The following AFF1 variants were observed in gnomAD, a reference collection of about 807,000 sequenced individuals.
AFF1 encodes ALF transcription elongation factor 1.
Under a neutral mutation model 121.7 loss-of-function variants are expected in AFF1, and 48 were observed. That is an observed-to-expected ratio of 0.39 (90% confidence interval 0.31 to 0.50). The LOEUF (loss-of-function observed/expected upper bound fraction) is 0.50. AFF1 is among the 20% of genes least tolerant of loss of function. The pLI is 0.76. For synonymous variants in AFF1, 613 were observed against 563.0 expected (o/e 1.09, Z -1.26); for missense variants, 1,523 against 1,511.7 (o/e 1.01, Z -0.12).
At chr4:86,990,100 A>G (rs759816616) in intron 2 of AFF1, among the ~76,000 whole-genome samples, 17 of 151,994 alleles carry the variant, frequency 1.1e-4, no homozygotes, top group Non-Finnish European at 2.5e-4. Context: ...GGGTGCAGCA[A>G]ACAACCTTAG....
chr4:87,136,400 T>G lies in AFF1; in HGVS notation c.*699T>G. The G allele has an allele frequency of 4.3e-6, 1 of 232,496 alleles. No individual in the cohort carries two copies. 14.4% of individuals were successfully genotyped at this position (232,496 alleles called of 1,614,324 possible). On this transcript the variant is annotated 3_prime_UTR_variant, in exon 21 of 21. Transcript: ENST00000395146. ...GACCCCAGCTCTGACTTCTCATTAC[T>G]GTGCTGAAAGTCAGCCCACGTCGGA... is the stretch of plus-strand genomic sequence containing the variant.
chr4:86,957,285 A>T (rs1721810139), intron 2 of AFF1, among the ~76,000 whole-genome samples: 2 of 152,200 alleles, frequency 1.3e-5, no homozygotes, highest in Non-Finnish European at 1.5e-5. Flanking sequence ...CCATTATAAC[A>T]GTACTTTTCT....
chr4:87,085,478 A>G (rs1723635361), intron 5 of AFF1, among the ~76,000 whole-genome samples: 1 of 151,736 alleles, frequency 6.6e-6, no homozygotes, highest in African/African-American at 2.4e-5. Flanking sequence ...TATATAATAA[A>G]TGTGACTGTT....
chr4:87,035,177 C>G (rs906561559), intron 2 of AFF1, among the ~76,000 whole-genome samples: 2 of 152,102 alleles, frequency 1.3e-5, no homozygotes, highest in African/African-American at 4.8e-5. Flanking sequence ...CCTCCCTGCT[C>G]CTTGTGCTTG....
At chr4:87,040,269 G>A (rs112935450) in intron 2 of AFF1, among the ~76,000 whole-genome samples, 49 of 152,250 alleles carry the variant, frequency 3.2e-4, no homozygotes, top group African/African-American at 1.1e-3. Context: ...CTGTTAGGTC[G>A]TTCCTCAAGG....
chr4:87,108,645 T>G (rs565699559), intron 11 of AFF1, among the ~76,000 whole-genome samples: 7 of 152,326 alleles, frequency 4.6e-5, no homozygotes, highest in Non-Finnish European at 7.4e-5. Flanking sequence ...GAAAGAAAAC[T>G]TGGTTTCAGT....
rs1405486063 is a variant in AFF1 at position 87,115,150 on chromosome 4, A to G, written c.2317A>G (p.Thr773Ala). The G allele has an allele frequency of 1.2e-6, 2 of 1,613,932 alleles. No homozygotes were observed. The highest frequency in any genetic ancestry group is 1.7e-6 in the Non-Finnish European group (2 of 1,180,006). Residue 773 changes from threonine to alanine, a missense_variant, in exon 12 of 21, where the codon ACC (threonine) becomes GCC (alanine). Physicochemically the swap from Thr to Ala is moderately conservative, Grantham distance 58. Transcript: ENST00000395146. ...CCCACAAAGCTTGATGGTGAAGATCACCCTAGACCTGCTCTCTCGGATACC... is the reference window on the plus strand; with the variant it reads ...CCCACAAAGCTTGATGGTGAAGATCGCCCTAGACCTGCTCTCTCGGATACC... ...PPPQSLMVKI[T>A]LDLLSRIPQP... is the part of the protein sequence containing the mutation.
At chr4:87,132,565 T>C (rs1728933239) in intron 19 of AFF1, among the ~76,000 whole-genome samples, 157 bp downstream of exon 19, 2 of 152,232 alleles carry the variant, frequency 1.3e-5, no homozygotes, top group South Asian at 4.1e-4. Context: ...TTTAAATTAT[T>C]AGCATATTTC....
intron 2 of AFF1, among the ~76,000 whole-genome samples, chr4:87,006,837 T>C (rs542251444): frequency 6.6e-6 from 1 of 152,308 alleles, no homozygotes; most frequent in South Asian, 2.1e-4. Flanking sequence ...GCCCAGGCTC[T>C]GCCCCCTACC....
Position 86,951,615 on chromosome 4 carries a change from C to CTTTTTT in AFF1, c.38+3046_38+3051dup, listed in dbSNP as rs748093135. On this transcript the variant is annotated intron_variant, in intron 2 of 20. Coordinates refer to ENST00000395146, the MANE Select transcript of AFF1 (RefSeq NM_001166693.3). Reference sequence around the variant, plus strand: ...GAACTTTTTTTTCTTTTTCTTTTTTCTTTTTTTCTTTTTTTTTTTTTTTTT... The same window carrying CTTTTTT: ...GAACTTTTTTTTCTTTTTCTTTTTTCTTTTTTTTTTTTTCTTTTTTTTTTTTTTTTT... Among the ~76,000 whole-genome samples the CTTTTTT allele has an allele frequency of 5.3e-3, 657 of 124,884 alleles. 10 individuals carry two copies. Among genetic ancestry groups the CTTTTTT allele is most frequent in the African/African-American group, 0.015 (445 of 29,876 alleles). 81.9% of individuals were successfully genotyped at this position (124,884 alleles called of 152,430 possible). A position where few individuals can be genotyped will look rare whatever the true frequency, so the allele number is the denominator to read the frequency against.
intron 13 of AFF1, 37 bp downstream of exon 13, chr4:87,125,180 G>C (rs968508354): frequency 4.6e-6 from 7 of 1,507,462 alleles, no homozygotes; most frequent in Non-Finnish European, 6.3e-6. Flanking sequence ...AATCTACGGT[G>C]ATCAACACTT....
At chr4:86,949,630 C>T (rs1264139526) in intron 2 of AFF1, 21 of 1,476,702 alleles carry the variant, frequency 1.4e-5, no homozygotes, top group Admixed American at 2.0e-5. Context: ...AGAATGCCAC[C>T]GGGTTGAGGG....
intron 2 of AFF1, among the ~76,000 whole-genome samples, chr4:87,010,972 G>A (rs965338007): frequency 2.6e-5 from 4 of 151,964 alleles, no homozygotes; most frequent in African/African-American, 9.7e-5. Flanking sequence ...CCAGCTACGC[G>A]GGAGGCGGAG....
intron 5 of AFF1, 48 bp downstream of exon 5, chr4:87,084,212 T>C (rs766034299): frequency 1.3e-6 from 2 of 1,567,436 alleles, no homozygotes; most frequent in Admixed American, 1.7e-5. Flanking sequence ...TTTAAGTAGG[T>C]AGGCGTACAT....
intron 2 of AFF1, among the ~76,000 whole-genome samples, chr4:86,996,967 A>G (rs1331793672): frequency 2.6e-5 from 4 of 152,180 alleles, no homozygotes; most frequent in Admixed American, 6.5e-5. Flanking sequence ...GCTGGAGTGC[A>G]GTGGCACGAT....
intron 2 of AFF1, among the ~76,000 whole-genome samples, chr4:86,979,966 A>G (rs1338560435): frequency 6.6e-6 from 1 of 152,176 alleles, no homozygotes; most frequent in Non-Finnish European, 1.5e-5. Flanking sequence ...GCTGGAGTGC[A>G]GTGACGTGGC....
intron 16 of AFF1, 65 bp from the exon 17 acceptor site, chr4:87,131,018 T>C (rs1728775855): frequency 1.3e-6 from 2 of 1,582,362 alleles, no homozygotes; most frequent in Admixed American, 1.8e-5. Context: ...CACTAAAGAA[T>C]GTGGGTGAGA....
At chr4:86,981,476 TC>T (rs1277408864) in intron 2 of AFF1, among the ~76,000 whole-genome samples, 36 of 152,264 alleles carry the variant, frequency 2.4e-4, no homozygotes, top group African/African-American at 8.4e-4. Context: ...CAAGCAATTC[TC>T]CTGCCTCAGC....
intron 12 of AFF1, among the ~76,000 whole-genome samples, chr4:87,123,538 G>C (rs1727925420): frequency 6.6e-6 from 1 of 152,098 alleles, no homozygotes; most frequent in African/African-American, 2.4e-5. Context: ...AGGTATCTTT[G>C]TAAGCCACTC....
Sources: allele counts gnomAD v4.1 joint callset (sites outside exome capture counted in the v4.1 genomes callset), GRCh38; gene constraint gnomAD v4.1.1; transcripts MANE v1.5; gene names NCBI Gene and HGNC (gene_info 2026-07-23, HGNC 2026-07-21).